Variants in UGCG observed in about 807,000 individuals in gnomAD.
The protein encoded by UGCG is UDP-glucose ceramide glucosyltransferase.
In UGCG, 10 loss-of-function variants were observed where a neutral mutation model predicts 49.5. The observed-to-expected ratio is 0.20, with a 90% confidence interval of 0.12 to 0.34. The LOEUF (loss-of-function observed/expected upper bound fraction) is 0.34. Among genes scored for constraint, UGCG ranks in the 10% least tolerant of loss-of-function variants. The pLI is 1.00. For missense variants in UGCG, 312 were observed against 483.7 expected (o/e 0.65, Z 3.33); for synonymous variants, 182 against 158.2 (o/e 1.15, Z -1.13).
chr9:111,903,302 C>G lies in UGCG; in HGVS notation c.98+5989C>G, dbSNP rs185237281. On this transcript the variant is annotated intron_variant, in intron 1 of 8. Coordinates refer to ENST00000374279, the MANE Select transcript of UGCG (RefSeq NM_003358.3). ...GAGACAGACAGGGCGTGGTGGCTCACGCCTGTAATCCCAGCACTTTGGGAG... is the reference window on the plus strand; with the variant it reads ...GAGACAGACAGGGCGTGGTGGCTCAGGCCTGTAATCCCAGCACTTTGGGAG... 5.5e-3 allele frequency among the ~76,000 whole-genome samples: 836 copies of G among 152,270 alleles called. 2 individuals are homozygous for G. The highest frequency in any genetic ancestry group is 9.3e-3 in the Non-Finnish European group (631 of 68,010).
chr9:111,913,004 T>C (rs1838044050), intron 1 of UGCG, among the ~76,000 whole-genome samples: 1 of 152,208 alleles, frequency 6.6e-6, no homozygotes, highest in Admixed American at 6.5e-5. Flanking sequence ...AGCCCATGGC[T>C]AAGTGGTCTG....
intron 2 of UGCG, among the ~76,000 whole-genome samples, chr9:111,918,858 G>A (rs1447421062): frequency 6.6e-6 from 1 of 150,520 alleles, no homozygotes; most frequent in Non-Finnish European, 1.5e-5. Flanking sequence ...CTGGAAGGCG[G>A]AGCTTGCAGT....
chr9:111,923,809 A>G (rs1183817363), intron 3 of UGCG, among the ~76,000 whole-genome samples: 2 of 151,974 alleles, frequency 1.3e-5, no homozygotes, highest in Admixed American at 6.6e-5. Flanking sequence ...ATTTTTTTGT[A>G]TTTTTAGCAG....
intron 3 of UGCG, among the ~76,000 whole-genome samples, 195 bp downstream of exon 3, chr9:111,923,146 A>G (rs1225845600): frequency 1.3e-5 from 2 of 152,198 alleles, no homozygotes; most frequent in South Asian, 2.1e-4. Context: ...GAGATGAACA[A>G]AATCACACAC....
chr9:111,925,219 G>A (rs1003381323), intron 4 of UGCG, among the ~76,000 whole-genome samples: 1 of 152,064 alleles, frequency 6.6e-6, no homozygotes, highest in African/African-American at 2.4e-5. Flanking sequence ...TTCGGCTTGC[G>A]TAATACACCG....
intron 5 of UGCG, chr9:111,929,168 C>A: frequency 4.7e-6 from 1 of 215,040 alleles, no homozygotes; most frequent in Non-Finnish European, 9.2e-6. Context: ...GTATATTGAT[C>A]CCAGTAAAGT....
intron 1 of UGCG, among the ~76,000 whole-genome samples, chr9:111,905,239 C>G (rs563670424): frequency 3.9e-5 from 6 of 152,284 alleles, no homozygotes; most frequent in African/African-American, 1.4e-4. Flanking sequence ...TGCCCCAATT[C>G]TTGCCAAAAG....
At chr9:111,900,282 A>G (rs1256206184) in intron 1 of UGCG, among the ~76,000 whole-genome samples, 2 of 152,218 alleles carry the variant, frequency 1.3e-5, no homozygotes, top group Non-Finnish European at 2.9e-5. Context: ...ACCTTGCTTC[A>G]TGCTCTCTTC....
intron 5 of UGCG, among the ~76,000 whole-genome samples, chr9:111,927,503 G>A (rs1216272114): frequency 1.3e-5 from 2 of 151,844 alleles, no homozygotes; most frequent in Admixed American, 6.6e-5. Context: ...CCAGGCTGGA[G>A]TGCAGTGGCG....
Position 111,924,781 on chromosome 9 carries a change from C to T in UGCG, c.348C>T (p.Gly116=), listed in dbSNP as rs1134931. Residue 116 remains glycine, a synonymous_variant, in exon 4 of 9, where the codon GGC becomes GGT. Coordinates refer to ENST00000374279, the MANE Select transcript of UGCG (RefSeq NM_003358.3). ...PNVDARLFIG[G]KKVGINPKIN... is the part of the protein sequence containing the mutation. The stretch of plus-strand genomic sequence containing the variant: ...ACTGTACCTTTACATTTTTAGGTGG[C>T]AAAAAAGTTGGCATTAATCCTAAAA... 34,894 of 1,514,968 alleles carry T rather than the reference C, an allele frequency of 0.023. 534 individuals are homozygous for T. The highest frequency in any genetic ancestry group is 0.061 in the East Asian group (2,422 of 39,680). 93.8% of individuals were successfully genotyped at this position (1,514,968 alleles called of 1,614,324 possible).
chr9:111,919,762 T>C (rs1838185117), intron 2 of UGCG, among the ~76,000 whole-genome samples: 1 of 138,756 alleles, frequency 7.2e-6, no homozygotes, highest in Non-Finnish European at 1.5e-5. Flanking sequence ...GCCACTGCAC[T>C]CCAGCCTGGG....
intron 1 of UGCG, among the ~76,000 whole-genome samples, chr9:111,903,102 G>C (rs1364345377): frequency 1.3e-5 from 2 of 152,254 alleles, no homozygotes; most frequent in South Asian, 4.2e-4. Flanking sequence ...TGCCTCACTT[G>C]TGAGGAGCTG....
intron 1 of UGCG, among the ~76,000 whole-genome samples, chr9:111,908,242 T>A (rs1280378858): frequency 6.6e-6 from 1 of 152,168 alleles, no homozygotes; most frequent in Non-Finnish European, 1.5e-5. Flanking sequence ...AGTAAAACTA[T>A]CCTGTAACAA....
intron 2 of UGCG, among the ~76,000 whole-genome samples, chr9:111,919,819 A>G (rs1349746844): frequency 2.6e-5 from 4 of 151,014 alleles, no homozygotes; most frequent in Non-Finnish European, 2.9e-5. Flanking sequence ...AAAAGAAACT[A>G]TGCTATGTTT....
At chr9:111,928,131 A>T (rs1487278407) in intron 5 of UGCG, among the ~76,000 whole-genome samples, 1 of 152,196 alleles carries the variant, frequency 6.6e-6, no homozygotes, top group Non-Finnish European at 1.5e-5. Flanking sequence ...CAGTCTTATG[A>T]TTGCCACATA....
intron 2 of UGCG, among the ~76,000 whole-genome samples, chr9:111,920,530 A>C (rs1218698795): frequency 6.6e-6 from 1 of 151,636 alleles, no homozygotes; most frequent in African/African-American, 2.4e-5. Context: ...CATGCCTGCT[A>C]ATTATTGCAT....
At chr9:111,918,671 C>T (rs940431130) in intron 2 of UGCG, among the ~76,000 whole-genome samples, 10 of 152,144 alleles carry the variant, frequency 6.6e-5, no homozygotes, top group Non-Finnish European at 1.2e-4. Flanking sequence ...CGGTGGCTCA[C>T]GCCTGTAATC....
intron 2 of UGCG, among the ~76,000 whole-genome samples, chr9:111,919,809 A>G (rs966388907): frequency 3.3e-5 from 5 of 151,882 alleles, no homozygotes; most frequent in African/African-American, 4.8e-5. Flanking sequence ...AAAAAAAAAA[A>G]AAAGAAACTA....
chr9:111,911,024 G>A (rs529591242), intron 1 of UGCG, among the ~76,000 whole-genome samples: 159 of 152,336 alleles, frequency 1.0e-3, no homozygotes, highest in Middle Eastern at 6.8e-3. Context: ...TGGGATTGCA[G>A]GCATGAGCCA....
Sources: allele counts gnomAD v4.1 joint callset (sites outside exome capture counted in the v4.1 genomes callset), GRCh38; gene constraint gnomAD v4.1.1; transcripts MANE v1.5; gene names NCBI Gene and HGNC (gene_info 2026-07-23, HGNC 2026-07-21).